Variants in GRID2 observed in about 807,000 individuals in gnomAD.
The protein encoded by GRID2 is glutamate receptor ionotropic, delta-2.
A neutral mutation model predicts 114.8 loss-of-function variants in GRID2; 33 were observed. That is an observed-to-expected ratio of 0.29 (90% CI 0.22 to 0.38). The LOEUF (loss-of-function observed/expected upper bound fraction) is 0.38. Among genes scored for constraint, GRID2 ranks in the 10% least tolerant of loss-of-function variants. The probability of loss-of-function intolerance (pLI) is 1.00; values close to 1 mark genes in which losing one functional copy is unlikely to be tolerated. For synonymous variants in GRID2, 505 were observed against 449.9 expected, an observed-to-expected ratio of 1.12 and a Z score of -1.55; for missense variants, 1,184 against 1,257.7, an observed-to-expected ratio of 0.94 and a Z score of 0.89.
At chr4:92,446,081 G>A (rs62312215) in intron 1 of GRID2, among the ~76,000 whole-genome samples, 21,478 of 152,086 alleles carry the variant, frequency 0.14, 1,843 homozygotes, top group South Asian at 0.21. Flanking sequence ...GAGTAGCTGG[G>A]ACTACAGGGT....
chr4:93,255,345 T>C (rs1419079144), intron 8 of GRID2, among the ~76,000 whole-genome samples: 3 of 152,156 alleles, frequency 2.0e-5, no homozygotes, highest in Non-Finnish European at 4.4e-5. Flanking sequence ...AGACTAGACT[T>C]CTAGTTAGGT....
intron 2 of GRID2, among the ~76,000 whole-genome samples, chr4:93,049,730 T>G (rs906633122): frequency 1.3e-5 from 2 of 152,050 alleles, no homozygotes; most frequent in Non-Finnish European, 2.9e-5. Context: ...CAATTTTTTT[T>G]GCTCACTAAT....
At chr4:92,928,538 C>T (rs1749999271) in intron 2 of GRID2, among the ~76,000 whole-genome samples, 1 of 151,552 alleles carries the variant, frequency 6.6e-6, no homozygotes, top group Non-Finnish European at 1.5e-5. Context: ...AGTTCTGCAG[C>T]ATAATATATC....
At chr4:92,445,698 A>G (rs998201619) in intron 1 of GRID2, among the ~76,000 whole-genome samples, 1 of 152,206 alleles carries the variant, frequency 6.6e-6, no homozygotes, top group Non-Finnish European at 1.5e-5. Context: ...TATGATACAG[A>G]CTAGCCCCAT....
At chr4:93,065,823 C>T (rs7656607) in intron 2 of GRID2, among the ~76,000 whole-genome samples, 2,594 of 151,864 alleles carry the variant, frequency 0.017, 59 homozygotes, top group African/African-American at 0.059. Context: ...TAGCTGTATC[C>T]CATCTGCCCT....
At chr4:92,382,005 A>T (rs1361498735) in intron 1 of GRID2, among the ~76,000 whole-genome samples, 2 of 152,012 alleles carry the variant, frequency 1.3e-5, no homozygotes, top group African/African-American at 4.8e-5. Flanking sequence ...AGGATTTTTG[A>T]AAATGGATTT....
intron 9 of GRID2, among the ~76,000 whole-genome samples, chr4:93,411,226 A>G (rs1298186322): frequency 6.6e-6 from 1 of 152,178 alleles, no homozygotes; most frequent in African/African-American, 2.4e-5. Context: ...GAGGTAATTG[A>G]GGTCCCAAAC....
chr4:93,289,307 G>A (rs1311460215), intron 8 of GRID2, among the ~76,000 whole-genome samples: 1 of 151,816 alleles, frequency 6.6e-6, no homozygotes, highest in Admixed American at 6.6e-5. Flanking sequence ...AAGAAAATAG[G>A]ACTAAATATT....
intron 4 of GRID2, among the ~76,000 whole-genome samples, chr4:93,171,447 T>C (rs1738813056): frequency 6.6e-6 from 1 of 152,232 alleles, no homozygotes. Context: ...ACAGTTTAAA[T>C]TTCTCTTAAG....
chr4:92,679,728 C>A (rs1733553159), intron 2 of GRID2, among the ~76,000 whole-genome samples: 1 of 151,856 alleles, frequency 6.6e-6, no homozygotes, highest in African/African-American at 2.4e-5. Context: ...TATGTGAAAA[C>A]TGTCATCATT....
chr4:93,003,977 T>G (rs764713285), intron 2 of GRID2, among the ~76,000 whole-genome samples: 41 of 151,954 alleles, frequency 2.7e-4, no homozygotes, highest in Non-Finnish European at 5.6e-4. Flanking sequence ...TGGGTGGATT[T>G]GTGTGTATTT....
intron 2 of GRID2, among the ~76,000 whole-genome samples, chr4:92,752,250 G>A (rs1425049099): frequency 1.3e-5 from 2 of 152,120 alleles, no homozygotes; most frequent in African/African-American, 2.4e-5. Flanking sequence ...ATCCTTTGAA[G>A]CAAGATGTAA....
At chr4:92,708,355 G>A (rs777920774) in intron 2 of GRID2, among the ~76,000 whole-genome samples, 6 of 152,152 alleles carry the variant, frequency 3.9e-5, no homozygotes, top group Non-Finnish European at 8.8e-5. Context: ...ATGTACCTCA[G>A]TGTCACAGCA....
intron 13 of GRID2, among the ~76,000 whole-genome samples, chr4:93,585,312 G>T (rs1053079645): frequency 2.0e-5 from 3 of 152,030 alleles, no homozygotes; most frequent in African/African-American, 7.2e-5. Flanking sequence ...TGAGTGATCT[G>T]GGCACAATGA....
rs748395803 is a variant in GRID2, at chr4:93,626,377, C to T, written c.2302C>T (p.Arg768Trp). ...FYTIGNTVAD[R>W]GYGIALQHGS... ...CACCATTGGAAATACTGTTGCTGAT[C>T]GGGGATATGGAATTGCATTACAACA... The change falls in exon 14 of 16, where the codon CGG (arginine) becomes TGG (tryptophan). Residue 768 changes from arginine to tryptophan, a missense_variant. Arg to Trp is a moderately radical substitution (Grantham distance 101). This residue lies in a region of GRID2 where 717 missense variants were observed against 796.9 expected (regional missense o/e 0.90). Coordinates refer to ENST00000282020, the MANE Select transcript of GRID2 (RefSeq NM_001510.4). The T allele has an allele frequency of 2.5e-6, 4 of 1,610,540 alleles. No homozygotes were observed. Among genetic ancestry groups the T allele is most frequent in the East Asian group, 2.2e-5 (1 of 44,760 alleles).
chr4:93,583,743 C>G (rs1168680785), intron 13 of GRID2, among the ~76,000 whole-genome samples: 1 of 152,094 alleles, frequency 6.6e-6, no homozygotes, highest in Non-Finnish European at 1.5e-5. Context: ...CTGTCCAAGG[C>G]CGTTCCTCAG....
intron 4 of GRID2, among the ~76,000 whole-genome samples, chr4:93,128,257 T>C (rs1275816921): frequency 6.6e-6 from 1 of 152,000 alleles, no homozygotes. Context: ...TGGTCAGGAT[T>C]ATGGATTTTT....
intron 2 of GRID2, among the ~76,000 whole-genome samples, chr4:92,648,027 C>T (rs968239122): frequency 4.7e-5 from 7 of 149,680 alleles, no homozygotes; most frequent in Non-Finnish European, 1.0e-4. Context: ...AAAATAATTT[C>T]ATAAAATGAA....
rs1190306466 is a variant in GRID2, at chr4:92,304,082, G to A, written c.-575G>A. 1 of 157,644 alleles carries A rather than the reference G, an allele frequency of 6.3e-6. No individual in the cohort carries two copies. Among genetic ancestry groups the A allele is most frequent in the East Asian group, 1.9e-4 (1 of 5,240 alleles). The allele number at this position is 157,644 out of a possible 1,614,324, so 9.8% of individuals were successfully genotyped here. On this transcript the variant is annotated 5_prime_UTR_variant, in exon 1 of 16. Transcript: ENST00000282020. ...AAGTTCACTTTTTCTACCCCTCTTG[G>A]AGAGGGCTTTTTTCCCCCCTCCCTG...
Sources: gnomAD v4.1 joint callset for allele counts (sites outside exome capture counted in the v4.1 genomes callset) on GRCh38, gnomAD v4.1.1 for gene constraint, gnomAD v4.1.1 regional missense constraint, MANE v1.5 for transcripts, NCBI Gene and HGNC (gene_info 2026-07-23, HGNC 2026-07-21) for gene names.